NEGR1: variants seen among roughly 807,000 people sequenced by gnomAD.
NEGR1 encodes IgLON family member 4.
NEGR1 carries 10 observed loss-of-function variants against 40.9 expected under a neutral mutation model. The ratio of observed to expected loss-of-function variants is 0.24; its 90% CI spans 0.15 to 0.42. The LOEUF (loss-of-function observed/expected upper bound fraction) is 0.42. Ranked by LOEUF, NEGR1 falls within the 10% of genes least tolerant of loss-of-function variation. The pLI is 1.00. For synonymous variants in NEGR1, 185 were observed against 166.8 expected, an observed-to-expected ratio of 1.11 and a Z score of -0.84; for missense variants, 352 against 438.9, an observed-to-expected ratio of 0.80 and a Z score of 1.77.
chr1:71,570,380 G>A (rs918538626), intron 6 of NEGR1, among the ~76,000 whole-genome samples: 2 of 152,078 alleles, frequency 1.3e-5, no homozygotes, highest in African/African-American at 4.8e-5. Context: ...TAGAAAAACT[G>A]CCCATGGTAC....
intron 6 of NEGR1, among the ~76,000 whole-genome samples, chr1:71,572,381 G>A (rs1648835697): frequency 6.6e-6 from 1 of 152,186 alleles, no homozygotes; most frequent in Non-Finnish European, 1.5e-5. Context: ...ATTATCATCT[G>A]TTTCACAGGG....
chr1:71,746,450 T>C (rs911889259), intron 3 of NEGR1, among the ~76,000 whole-genome samples: 3 of 152,174 alleles, frequency 2.0e-5, no homozygotes, highest in African/African-American at 7.2e-5. Context: ...TGGTTATAAC[T>C]GACAGCTATG....
intron 6 of NEGR1, among the ~76,000 whole-genome samples, chr1:71,479,334 TCACTTATG>T (rs1428353119): frequency 6.6e-6 from 1 of 151,906 alleles, no homozygotes; most frequent in Non-Finnish European, 1.5e-5. Context: ...TCTCTCTTAC[TCACTTATG>T]CACTACAGCA....
chr1:71,493,885 C>G (rs1646945535), intron 6 of NEGR1, among the ~76,000 whole-genome samples: 1 of 152,158 alleles, frequency 6.6e-6, no homozygotes, highest in Non-Finnish European at 1.5e-5. Context: ...TAAAGCATAT[C>G]CCACATTTGC....
rs111513828 is a variant in NEGR1, at chr1:72,116,546, T to C, written c.176+165773A>G. Among the ~76,000 whole-genome samples the C allele has an allele frequency of 6.1e-3, 920 of 151,786 alleles. 14 individuals are homozygous for C. Among genetic ancestry groups the C allele is most frequent in the African/African-American group, 0.021 (886 of 41,484 alleles). On this transcript the variant is annotated intron_variant, in intron 1 of 6. Transcript: ENST00000357731. ...AGATAATCAATTAGTTGAATGAAAA[T>C]AGTCGTGGTTTTAAGTTAATTACAG...
chr1:71,596,204 A>C (rs900230448), intron 5 of NEGR1, among the ~76,000 whole-genome samples: 3 of 152,170 alleles, frequency 2.0e-5, no homozygotes, highest in Admixed American at 2.0e-4. Context: ...TAGTTATAAG[A>C]TCCTTCTATT....
At chr1:72,139,968 G>A (rs949151559) in intron 1 of NEGR1, among the ~76,000 whole-genome samples, 2 of 152,184 alleles carry the variant, frequency 1.3e-5, no homozygotes, top group Non-Finnish European at 2.9e-5. Flanking sequence ...CCAGCCATTA[G>A]ATGAGTTTAC....
At chr1:71,494,810 A>G (rs1319987174) in intron 6 of NEGR1, among the ~76,000 whole-genome samples, 1 of 152,044 alleles carries the variant, frequency 6.6e-6, no homozygotes, top group Non-Finnish European at 1.5e-5. Flanking sequence ...GCTTCCTTCT[A>G]AATATCTATA....
intron 6 of NEGR1, among the ~76,000 whole-genome samples, chr1:71,476,566 G>C (rs1465477429): frequency 2.6e-5 from 4 of 152,054 alleles, no homozygotes; most frequent in Non-Finnish European, 5.9e-5. Context: ...TTTAGGCTGT[G>C]GGCTTCAAGT....
intron 1 of NEGR1, chr1:72,274,628 T>C: frequency 1.2e-6 from 1 of 816,676 alleles, no homozygotes; most frequent in African/African-American, 1.7e-5. Flanking sequence ...CTTGGAGAAC[T>C]GCCCCAAGGA....
At chr1:72,240,649 C>G (rs1174901282) in intron 1 of NEGR1, among the ~76,000 whole-genome samples, 1 of 151,824 alleles carries the variant, frequency 6.6e-6, no homozygotes, top group African/African-American at 2.4e-5. Flanking sequence ...ATGATCATGA[C>G]AACAGTGTTT....
chr1:72,193,254 T>A (rs1441705761), intron 1 of NEGR1, among the ~76,000 whole-genome samples: 4 of 151,938 alleles, frequency 2.6e-5, no homozygotes, highest in South Asian at 4.1e-4. Context: ...AAGTGTTTCC[T>A]TTTCTATCTT....
intron 2 of NEGR1, among the ~76,000 whole-genome samples, chr1:71,780,170 C>T (rs1423976014): frequency 1.3e-5 from 2 of 149,708 alleles, no homozygotes; most frequent in Admixed American, 1.3e-4. Flanking sequence ...TTTCTAAATA[C>T]TTAATTTATG....
intron 4 of NEGR1, among the ~76,000 whole-genome samples, chr1:71,659,702 G>A (rs1651993128): frequency 6.6e-6 from 1 of 152,180 alleles, no homozygotes; most frequent in African/African-American, 2.4e-5. Flanking sequence ...AGACATGCAT[G>A]TGGCAAACAA....
At chr1:71,461,096 C>T (rs1646711541) in intron 6 of NEGR1, among the ~76,000 whole-genome samples, 1 of 152,146 alleles carries the variant, frequency 6.6e-6, no homozygotes, top group South Asian at 2.1e-4. Flanking sequence ...GTTTTATTTT[C>T]AATCAATGGG....
chr1:71,603,453 T>G (rs1009745837), intron 5 of NEGR1, among the ~76,000 whole-genome samples: 1 of 152,182 alleles, frequency 6.6e-6, no homozygotes, highest in Non-Finnish European at 1.5e-5. Flanking sequence ...CTGCTTTCCT[T>G]CAAGTCATTT....
chr1:71,885,553 T>C (rs1020761070), intron 2 of NEGR1, among the ~76,000 whole-genome samples: 2 of 152,166 alleles, frequency 1.3e-5, no homozygotes, highest in Admixed American at 6.5e-5. Flanking sequence ...CAACTGTAAG[T>C]AAGAGGATCT....
chr1:72,119,024 ATATAG>A (rs1649690201), intron 1 of NEGR1, among the ~76,000 whole-genome samples: 1 of 151,790 alleles, frequency 6.6e-6, no homozygotes, highest in African/African-American at 2.4e-5. Flanking sequence ...ATTTTATTAT[ATATAG>A]TATATTTAGA....
chr1:72,032,992 T>C (rs575622418), intron 1 of NEGR1, among the ~76,000 whole-genome samples: 1 of 152,130 alleles, frequency 6.6e-6, no homozygotes, highest in Non-Finnish European at 1.5e-5. Flanking sequence ...ATTATTACTA[T>C]TTATGAAGCA....
Sources: gnomAD v4.1 joint callset for allele counts (sites outside exome capture counted in the v4.1 genomes callset) on GRCh38, gnomAD v4.1.1 for gene constraint, MANE v1.5 for transcripts, NCBI Gene and HGNC (gene_info 2026-07-23, HGNC 2026-07-21) for gene names.